VPS50: variants seen among roughly 807,000 people sequenced by gnomAD.
The protein encoded by VPS50 is VPS50 subunit of EARP/GARPII complex.
In VPS50, 70 loss-of-function variants were observed where a neutral mutation model predicts 139.7. The ratio of observed to expected loss-of-function variants is 0.50; its 90% CI spans 0.41 to 0.61. VPS50 has a LOEUF of 0.61. Among genes scored for constraint, VPS50 ranks in the 20% least tolerant of loss-of-function variants. VPS50 has a pLI of 0.00. For missense variants in VPS50, 921 were observed against 1,133.7 expected, an observed-to-expected ratio of 0.81 and a Z score of 2.69; for synonymous variants, 365 against 376.7, an observed-to-expected ratio of 0.97 and a Z score of 0.36.
intron 21 of VPS50, among the ~76,000 whole-genome samples, chr7:93,328,159 TA>T (rs1797835585): frequency 6.6e-6 from 1 of 152,220 alleles, no homozygotes; most frequent in African/African-American, 2.4e-5. Context: ...GGTATTGCTT[TA>T]TCTTGCCTTG....
At chr7:93,346,247 C>T (rs891847056) in intron 23 of VPS50, among the ~76,000 whole-genome samples, 51 of 152,066 alleles carry the variant, frequency 3.4e-4, no homozygotes, top group African/African-American at 1.2e-3. Flanking sequence ...GAATAAAATA[C>T]CTAGGAATCC....
intron 9 of VPS50, among the ~76,000 whole-genome samples, chr7:93,268,747 C>G (rs1211276850): frequency 6.6e-6 from 1 of 152,064 alleles, no homozygotes; most frequent in African/African-American, 2.4e-5. Context: ...TTTGGGTTGA[C>G]TCCATTTCTT....
intron 16 of VPS50, among the ~76,000 whole-genome samples, chr7:93,300,481 C>T (rs1348385148): frequency 1.3e-5 from 2 of 152,058 alleles, no homozygotes; most frequent in Non-Finnish European, 1.5e-5. Context: ...TTCAGTGATA[C>T]CTAAAAAGGA....
chr7:93,246,947 G>A (rs1045321544), intron 2 of VPS50, among the ~76,000 whole-genome samples: 11 of 151,714 alleles, frequency 7.3e-5, no homozygotes, highest in African/African-American at 2.7e-4. Flanking sequence ...TACCTTTTTT[G>A]TTGTATTGAG....
At chr7:93,335,453 C>T (rs2117048869) in intron 22 of VPS50, among the ~76,000 whole-genome samples, 1 of 152,202 alleles carries the variant, frequency 6.6e-6, no homozygotes, top group East Asian at 1.9e-4. Flanking sequence ...TGAATATACC[C>T]CAGTCGCTGA....
chr7:93,241,260 G>T (rs1201930271), intron 2 of VPS50, among the ~76,000 whole-genome samples: 1 of 151,992 alleles, frequency 6.6e-6, no homozygotes, highest in Admixed American at 6.6e-5. Flanking sequence ...TAGTGAATAT[G>T]GTGATCTCAT....
In VPS50 at chr7:93,358,415, T is replaced by C. The variant is rs1160912855; in HGVS notation, c.2874T>C (p.Asp958=). ...ARQKLLAAID[D]IDRPKR is the part of the protein sequence containing the mutation. ...AAAAACTTCTAGCAGCTATAGATGA[T>C]ATAGACAGACCTAAAAGATAATGAA... The change falls in exon 28 of 28, where the codon GAT becomes GAC. Residue 958 remains aspartate, a synonymous_variant. Transcript: ENST00000305866. The C allele has an allele frequency of 6.2e-7, 1 of 1,611,478 alleles. No homozygotes were observed. Among genetic ancestry groups the C allele is most frequent in the Non-Finnish European group, 8.5e-7 (1 of 1,177,880 alleles).
chr7:93,310,347 AC>A (rs1335208537), intron 19 of VPS50, among the ~76,000 whole-genome samples: 5 of 151,950 alleles, frequency 3.3e-5, no homozygotes, highest in Non-Finnish European at 7.4e-5. Context: ...TTTTACCACT[AC>A]CATTCTAGTT....
At chr7:93,325,961 G>A (rs908325305) in intron 21 of VPS50, among the ~76,000 whole-genome samples, 3 of 151,462 alleles carry the variant, frequency 2.0e-5, no homozygotes, top group Non-Finnish European at 2.9e-5. Context: ...ATACCCAAAG[G>A]ACTATAAATC....
intron 12 of VPS50, among the ~76,000 whole-genome samples, chr7:93,281,926 TG>T (rs1489386334): frequency 2.6e-5 from 4 of 152,076 alleles, no homozygotes; most frequent in African/African-American, 9.7e-5. Flanking sequence ...TTTTTCCGGC[TG>T]GGCGCGGTGG....
chr7:93,340,595 T>C (rs1362767651), intron 22 of VPS50: 1 of 152,250 alleles, frequency 6.6e-6, no homozygotes. Flanking sequence ...GTTTATAACA[T>C]AGGATATGTT....
rs1798811346 is a variant in VPS50 at position 93,360,691 on chromosome 7, A to G, written c.*2255A>G. 6.6e-6 allele frequency: 1 copy of G among 152,098 alleles called. No homozygotes were observed. Among genetic ancestry groups the G allele is most frequent in the African/African-American group, 2.4e-5 (1 of 41,440 alleles). The allele number at this position is 152,098 out of a possible 1,614,324, so 9.4% of individuals were successfully genotyped here. Reference sequence around the variant, plus strand: ...TTATTTTTGAGTCTAAACTTTCCTTAACTTTGACATTTTCCATGAAAGTTT... The same window carrying G: ...TTATTTTTGAGTCTAAACTTTCCTTGACTTTGACATTTTCCATGAAAGTTT... On this transcript the variant is annotated 3_prime_UTR_variant, in exon 28 of 28. Coordinates refer to ENST00000305866, the MANE Select transcript of VPS50 (RefSeq NM_017667.4).
intron 9 of VPS50, among the ~76,000 whole-genome samples, chr7:93,268,763 T>G (rs1204717439): frequency 2.6e-5 from 4 of 152,140 alleles, no homozygotes; most frequent in Non-Finnish European, 5.9e-5. Flanking sequence ...TTCTTTGCTA[T>G]TCACATGTCT....
At chr7:93,257,945 A>G (rs1321821157) in intron 6 of VPS50, among the ~76,000 whole-genome samples, 1 of 152,058 alleles carries the variant, frequency 6.6e-6, no homozygotes, top group African/African-American at 2.4e-5. Flanking sequence ...GTTATAGACC[A>G]CTAGCAGGTT....
At position 93,239,846 on chromosome 7, in the gene VPS50, C is replaced by T; in HGVS notation, c.34-20C>T. On this transcript the variant is annotated intron_variant, in intron 1 of 27. Coordinates refer to ENST00000305866, the MANE Select transcript of VPS50 (RefSeq NM_017667.4). ...TCTTCAGCATGATTAAAATTTTCCT[C>T]ATCTTATTATTTTTTTAAGGGTCTG... is the stretch of plus-strand genomic sequence containing the variant. 2 of 1,476,422 alleles carry T rather than the reference C, an allele frequency of 1.4e-6. No homozygotes were observed. The highest frequency in any genetic ancestry group is 1.9e-6 in the Non-Finnish European group (2 of 1,057,002). The allele number at this position is 1,476,422 out of a possible 1,614,324, so 91.5% of individuals were successfully genotyped here. A position where few individuals can be genotyped will look rare whatever the true frequency, so the allele number is the denominator to read the frequency against.
At chr7:93,257,000 C>T (rs1013839950) in intron 5 of VPS50, among the ~76,000 whole-genome samples, 13 of 152,040 alleles carry the variant, frequency 8.6e-5, no homozygotes, top group African/African-American at 1.9e-4. Context: ...GTTCAGATGA[C>T]GACTTTCATT....
chr7:93,286,146 A>G (rs753109653), intron 12 of VPS50, among the ~76,000 whole-genome samples: 14 of 152,196 alleles, frequency 9.2e-5, no homozygotes, highest in Non-Finnish European at 1.6e-4. Context: ...AAATAGTTTT[A>G]GAACACAGGG....
chr7:93,273,387 T>C (rs560001247), intron 11 of VPS50: 4 of 152,148 alleles, frequency 2.6e-5, no homozygotes, highest in Admixed American at 6.6e-5. Flanking sequence ...ATGTAAATGT[T>C]TTCTTCCCTT....
intron 23 of VPS50, among the ~76,000 whole-genome samples, chr7:93,343,202 C>T (rs1798279528): frequency 1.3e-5 from 2 of 152,068 alleles, no homozygotes; most frequent in South Asian, 2.1e-4. Flanking sequence ...GCCTCAGGAG[C>T]CGATGCGATC....
Sources: gnomAD v4.1 joint callset for allele counts (sites outside exome capture counted in the v4.1 genomes callset) on GRCh38, gnomAD v4.1.1 for gene constraint, MANE v1.5 for transcripts, NCBI Gene and HGNC (gene_info 2026-07-23, HGNC 2026-07-21) for gene names.